CNGA4: variants seen among roughly 807,000 people sequenced by gnomAD.
CNGA4 encodes the protein cyclic nucleotide-gated channel alpha-4.
A neutral mutation model predicts 45.6 loss-of-function variants in CNGA4; 32 were observed. The ratio of observed to expected loss-of-function variants is 0.70; its 90% CI spans 0.53 to 0.94. The LOEUF (loss-of-function observed/expected upper bound fraction) is 0.94, where lower values mean the gene tolerates loss of function less well. Ranked by LOEUF, CNGA4 falls within the 40% of genes least tolerant of loss-of-function variation. The pLI is 0.00. For missense variants in CNGA4, 726 were observed against 755.1 expected (o/e 0.96, Z 0.45); for synonymous variants, 293 against 304.6 (o/e 0.96, Z 0.40).
chr11:6,241,336 G>A, intron 4 of CNGA4, 95 bp from the exon 5 acceptor site: 3 of 970,992 alleles, frequency 3.1e-6, no homozygotes, highest in Non-Finnish European at 4.7e-6. Flanking sequence ...CAGTATGGTG[G>A]GATTCTTGGC....
chr11:6,239,594 G>A, intron 2 of CNGA4, 90 bp from the exon 3 acceptor site: 1 of 1,550,402 alleles, frequency 6.4e-7, no homozygotes, highest in African/African-American at 1.4e-5. Flanking sequence ...TCCCATGGGA[G>A]GGCCTGAGGC....
chr11:6,239,649 C>T (rs1484565968), intron 2 of CNGA4, 35 bp from the exon 3 acceptor site: 2 of 1,603,606 alleles, frequency 1.2e-6, no homozygotes, highest in Admixed American at 1.7e-5. Flanking sequence ...ACAGAGGGTG[C>T]CCTTAATTCA....
chr11:6,243,830 G>A, intron 5 of CNGA4, 119 bp from the exon 6 acceptor site: 1 of 864,612 alleles, frequency 1.2e-6, no homozygotes, highest in South Asian at 1.8e-5. Context: ...AAGAATTAAT[G>A]AGGCAGAAGG....
chr11:6,244,511 C>T, downstream of CNGA4: 1 of 1,168,122 alleles, frequency 8.6e-7, no homozygotes, highest in South Asian at 1.5e-5. This position sits in a 1 kb window ranked among gnomAD's most constrained non-coding sequence, Gnocchi z 4.5. Context: ...ATCACAGACA[C>T]AGGAGCGAAT....
chr11:6,238,898 C>G (rs547502160), upstream of CNGA4: 1 of 259,346 alleles, frequency 3.9e-6, no homozygotes, highest in South Asian at 1.4e-4. Context: ...AAAACAGAGA[C>G]AAGACTCAGG....
upstream of CNGA4, among the ~76,000 whole-genome samples, chr11:6,237,886 T>A (rs1482572855): frequency 6.6e-6 from 1 of 152,226 alleles, no homozygotes; most frequent in African/African-American, 2.4e-5. Flanking sequence ...CCAAGCTTTA[T>A]AACATGGCTG....
chr11:6,240,671 C>T lies in CNGA4; in HGVS notation c.877C>T (p.Gln293Ter). 2 of 1,613,902 alleles carry T rather than the reference C, an allele frequency of 1.2e-6. No homozygotes were observed. Among genetic ancestry groups the T allele is most frequent in the Non-Finnish European group, 1.7e-6 (2 of 1,179,836 alleles). The part of the protein sequence containing the change: ...HALVKKYMKL[Q>*]HVNRKLERRV... The stretch of plus-strand genomic sequence containing the variant: ...ACTGGTGAAGAAGTACATGAAGCTG[C>T]AGCACGTCAACCGCAAGCTGGAGCG... Residue 293 changes from glutamine (Q) to a stop codon, truncating the protein, a stop_gained, in exon 4 of 6, where the codon CAG becomes TAG. Transcript: ENST00000379936. LOFTEE classifies it high-confidence loss of function. The surrounding 1 kb of genome is among the most constrained non-coding windows in gnomAD (Gnocchi z 4.9).
chr11:6,243,106 T>C (rs1847939882), intron 5 of CNGA4, among the ~76,000 whole-genome samples: 1 of 152,190 alleles, frequency 6.6e-6, no homozygotes, highest in Non-Finnish European at 1.5e-5. Flanking sequence ...CCCCCTTCCC[T>C]CTGTTCCTGC....
At position 6,239,398 on chromosome 11, in the gene CNGA4, T is replaced by C. The variant is rs754073624; in HGVS notation, c.77T>C (p.Val26Ala). ...CTTTCTTACAGGAAGTTGCTGCCTG[T>C]CCTGGACCCATCTGGGGATTACTAC... ...APSKARKLLP[V>A]LDPSGDYYYW... The change falls in exon 2 of 6, where the codon GTC (valine) becomes GCC (alanine). Residue 26 changes from valine (V) to alanine (A), a missense_variant. Coordinates refer to ENST00000379936, the MANE Select transcript of CNGA4 (RefSeq NM_001037329.4). 10 of 1,614,236 alleles carry C rather than the reference T, an allele frequency of 6.2e-6. No individual in the cohort carries two copies. The highest frequency in any genetic ancestry group is 8.5e-6 in the Non-Finnish European group (10 of 1,180,034).
At chr11:6,239,594 G>C in intron 2 of CNGA4, 90 bp from the exon 3 acceptor site, 1 of 1,550,402 alleles carries the variant, frequency 6.4e-7, no homozygotes, top group Non-Finnish European at 8.9e-7. Flanking sequence ...TCCCATGGGA[G>C]GGCCTGAGGC....
At chr11:6,238,403 A>G (rs373191207), upstream of CNGA4, among the ~76,000 whole-genome samples, 2 of 152,246 alleles carry the variant, frequency 1.3e-5, no homozygotes, top group East Asian at 1.9e-4. Context: ...TGAAAGGAAC[A>G]TCAGGTTGAG....
upstream of CNGA4, among the ~76,000 whole-genome samples, chr11:6,236,340 A>C (rs1847837890): frequency 6.6e-6 from 1 of 152,236 alleles, no homozygotes; most frequent in Non-Finnish European, 1.5e-5. Context: ...TTGGGATGAT[A>C]GCTATAAAGA....
intron 4 of CNGA4, 84 bp from the exon 5 acceptor site, chr11:6,241,347 T>G: frequency 1.8e-6 from 2 of 1,104,066 alleles, no homozygotes; most frequent in Non-Finnish European, 2.6e-6. Context: ...GATTCTTGGC[T>G]GGAGCTGAGC....
In CNGA4 at chr11:6,240,805, C is replaced by CACT; in HGVS notation, c.917+95_917+96insCTA. The CACT allele has an allele frequency of 6.9e-7, 1 of 1,447,840 alleles. No homozygotes were observed. Among genetic ancestry groups the CACT allele is most frequent in the Non-Finnish European group, 9.4e-7 (1 of 1,067,054 alleles). The allele number at this position is 1,447,840 out of a possible 1,614,324, so 89.7% of individuals were successfully genotyped here. The stretch of plus-strand genomic sequence containing the variant: ...GGTCCTTAGTGCCTGGTGAGCCAGG[C>CACT]AAGGCTGTCAAAATGTAGCATTCAG... On this transcript the variant is annotated intron_variant, in intron 4 of 5. Coordinates refer to ENST00000379936, the MANE Select transcript of CNGA4 (RefSeq NM_001037329.4). The surrounding 1 kb of genome is among the most constrained non-coding windows in gnomAD (Gnocchi z 4.9).
At chr11:6,242,494 AC>A (rs1236273200) in intron 5 of CNGA4, among the ~76,000 whole-genome samples, 1 of 152,054 alleles carries the variant, frequency 6.6e-6, no homozygotes, top group Non-Finnish European at 1.5e-5. Context: ...GGGTAAGCAC[AC>A]TGTCATGGAC....
intron 3 of CNGA4, 134 bp downstream of exon 3, chr11:6,239,924 C>A: frequency 1.5e-6 from 2 of 1,351,192 alleles, no homozygotes; most frequent in Non-Finnish European, 2.0e-6. Flanking sequence ...CATCCCAGTG[C>A]TCACCCCGGA....
downstream of CNGA4, chr11:6,244,521 T>C (rs1847966002): frequency 9.4e-6 from 10 of 1,065,602 alleles, no homozygotes; most frequent in South Asian, 1.3e-4. This position sits in a 1 kb window ranked among gnomAD's most constrained non-coding sequence, Gnocchi z 4.5. Flanking sequence ...CAGGAGCGAA[T>C]TGGTCTGTAG....
chr11:6,240,961 C>A lies in CNGA4; in HGVS notation c.917+250C>A, dbSNP rs956984515. On this transcript the variant is annotated intron_variant, in intron 4 of 5. Coordinates refer to ENST00000379936, the MANE Select transcript of CNGA4 (RefSeq NM_001037329.4). The surrounding 1 kb of genome is among the most constrained non-coding windows in gnomAD (Gnocchi z 4.9). Reference sequence around the variant, plus strand: ...TACTCAAAAAAGGATAATATGGAGACCAGGGAATGGGAAGTGCCACTGCCT... The same window carrying A: ...TACTCAAAAAAGGATAATATGGAGAACAGGGAATGGGAAGTGCCACTGCCT... Among the ~76,000 whole-genome samples, 1 of 151,996 alleles carries A rather than the reference C, an allele frequency of 6.6e-6. No homozygotes were observed. Among genetic ancestry groups the A allele is most frequent in the African/African-American group, 2.4e-5 (1 of 41,354 alleles).
At position 6,240,618 on chromosome 11, in the gene CNGA4, C is replaced by T. The variant is rs1389453641; in HGVS notation, c.824C>T (p.Ala275Val). ...TCTGTCATCTACAACATGAACACTGCAGATGCGGCTTTCTACCCAGATCAT... is the reference window on the plus strand; with the variant it reads ...TCTGTCATCTACAACATGAACACTGTAGATGCGGCTTTCTACCCAGATCAT... Reference protein sequence around the residue: ...MSSVIYNMNTADAAFYPDHAL... With the variant: ...MSSVIYNMNTVDAAFYPDHAL... The change falls in exon 4 of 6, where the codon GCA becomes GTA. Residue 275 changes from alanine to valine, a missense_variant. Coordinates refer to ENST00000379936, the MANE Select transcript of CNGA4 (RefSeq NM_001037329.4). The surrounding 1 kb of genome is among the most constrained non-coding windows in gnomAD (Gnocchi z 4.9). 4 of 1,614,218 alleles carry T rather than the reference C, an allele frequency of 2.5e-6. No individual in the cohort carries two copies. In the South Asian group the frequency reaches 4.4e-5, roughly 18 times the overall value.
Sources: gnomAD v4.1 joint callset for allele counts (sites outside exome capture counted in the v4.1 genomes callset) on GRCh38, gnomAD v4.1.1 for gene constraint, Gnocchi (gnomAD v3.1) non-coding constraint, MANE v1.5 for transcripts, NCBI Gene and HGNC (gene_info 2026-07-23, HGNC 2026-07-21) for gene names.